MTUS2: variants seen among roughly 807,000 people sequenced by gnomAD.
The protein encoded by MTUS2 is microtubule associated scaffold protein 2.
MTUS2 carries 40 observed loss-of-function variants against 114.1 expected under a neutral mutation model. The observed-to-expected ratio is 0.35, with a 90% CI of 0.27 to 0.46. MTUS2 has a LOEUF of 0.46. Ranked by LOEUF, MTUS2 falls within the 20% of genes least tolerant of loss-of-function variation. MTUS2 has a pLI of 1.00. For synonymous variants in MTUS2, 688 were observed against 672.0 expected, an observed-to-expected ratio of 1.02 and a Z score of -0.37; for missense variants, 1,679 against 1,705.4, an observed-to-expected ratio of 0.98 and a Z score of 0.27.
At chr13:29,383,242 G>GTATATATATATATATATATATA (rs1315060468) in intron 8 of MTUS2, among the ~76,000 whole-genome samples, 4 of 28,620 alleles carry the variant, frequency 1.4e-4, no homozygotes, top group African/African-American at 1.8e-4. Context: ...GTGTGTGTGT[G>GTATATATATATATATATATATA]TGTGTGTGTG....
intron 2 of MTUS2, among the ~76,000 whole-genome samples, chr13:28,971,453 T>C (rs1056456382): frequency 5.3e-5 from 8 of 152,158 alleles, no homozygotes; most frequent in Non-Finnish European, 1.2e-4. Flanking sequence ...GTACCTGTTC[T>C]CTCAAGCTGA....
In MTUS2 at chr13:29,318,173, T is replaced by C. The variant is rs540293320; in HGVS notation, c.2807-6440T>C. Among the ~76,000 whole-genome samples the C allele has an allele frequency of 3.9e-5, 6 of 152,254 alleles. No homozygotes were observed. In the South Asian group the frequency reaches 1.0e-3, roughly 26 times the overall value. On this transcript the variant is annotated intron_variant, in intron 6 of 15. Transcript: ENST00000612955. ...ATTTCTTTATCCTTTCTGTTTCTTA[T>C]CTTTTCTTACTTATATTGAGATTTA...
intron 5 of MTUS2, among the ~76,000 whole-genome samples, chr13:29,262,952 C>T (rs1445790406): frequency 6.6e-6 from 1 of 152,088 alleles, no homozygotes; most frequent in Non-Finnish European, 1.5e-5. Context: ...TGTATTGTGT[C>T]CCAGGCACTT....
chr13:28,940,348 A>G (rs919348237), intron 2 of MTUS2, among the ~76,000 whole-genome samples: 1 of 152,216 alleles, frequency 6.6e-6, no homozygotes, highest in Non-Finnish European at 1.5e-5. Flanking sequence ...ATGCTAAGTG[A>G]AAGAAGCTGG....
intron 8 of MTUS2, among the ~76,000 whole-genome samples, chr13:29,406,704 G>A (rs1874781902): frequency 6.6e-6 from 1 of 152,170 alleles, no homozygotes; most frequent in African/African-American, 2.4e-5. Context: ...CCATCTTCAA[G>A]GCCACCTGCT....
intron 5 of MTUS2, among the ~76,000 whole-genome samples, chr13:29,238,586 A>G (rs763362493): frequency 5.9e-5 from 9 of 152,198 alleles, no homozygotes; most frequent in Non-Finnish European, 1.2e-4. Flanking sequence ...AGGCTGGAAG[A>G]CTGAGCAAGT....
At chr13:29,375,879 A>G (rs1871683077) in intron 8 of MTUS2, among the ~76,000 whole-genome samples, 1 of 151,554 alleles carries the variant, frequency 6.6e-6, no homozygotes, top group African/African-American at 2.4e-5. Context: ...GAAATACTAC[A>G]TATTGGGTAC....
chr13:28,893,683 G>A (rs1879063629), intron 2 of MTUS2, among the ~76,000 whole-genome samples: 2 of 152,108 alleles, frequency 1.3e-5, no homozygotes, highest in Non-Finnish European at 2.9e-5. Context: ...GGAGGAGCTG[G>A]GATTTTAGCA....
At chr13:29,389,445 ATGTATACACGTGTGTGTATGTG>A (rs1873000655) in intron 8 of MTUS2, among the ~76,000 whole-genome samples, 4 of 122,286 alleles carry the variant, frequency 3.3e-5, no homozygotes, top group African/African-American at 8.3e-5. Context: ...GTGTATGTGT[ATGTATACACGTGTGTGTATGTG>A]TATATGTATA....
At chr13:29,224,786 T>TTC (rs1555253799) in intron 5 of MTUS2, among the ~76,000 whole-genome samples, 1 of 151,858 alleles carries the variant, frequency 6.6e-6, no homozygotes, top group Non-Finnish European at 1.5e-5. Context: ...TTTCTCTTTT[T>TTC]CCCACAATAT....
At chr13:29,447,725 G>A (rs1878392674) in intron 9 of MTUS2, among the ~76,000 whole-genome samples, 1 of 151,658 alleles carries the variant, frequency 6.6e-6, no homozygotes, top group Non-Finnish European at 1.5e-5. Flanking sequence ...CCCTGGAAAA[G>A]GCTTCCCCAG....
At chr13:29,232,314 A>ACG (rs1896362312) in intron 5 of MTUS2, among the ~76,000 whole-genome samples, 4 of 150,584 alleles carry the variant, frequency 2.7e-5, no homozygotes, top group African/African-American at 9.7e-5. Flanking sequence ...GCGCACACAC[A>ACG]CACACACACG....
chr13:28,824,648 G>A (rs912882152), intron 1 of MTUS2, among the ~76,000 whole-genome samples: 6 of 150,818 alleles, frequency 4.0e-5, no homozygotes, highest in Admixed American at 1.3e-4. Context: ...TGTCTTTACT[G>A]CCTTTAACCA....
intron 9 of MTUS2, among the ~76,000 whole-genome samples, chr13:29,477,369 A>T (rs573737507): frequency 6.6e-6 from 1 of 151,942 alleles, no homozygotes; most frequent in African/African-American, 2.4e-5. Flanking sequence ...CGCTAGCTCA[A>T]CTCCCTGGTG....
chr13:29,205,314 A>T (rs1168157565), intron 5 of MTUS2, among the ~76,000 whole-genome samples: 1 of 152,226 alleles, frequency 6.6e-6, no homozygotes, highest in Non-Finnish European at 1.5e-5. Context: ...TGTTGATTTT[A>T]TGTGGATTTC....
rs993206973 is a variant in MTUS2, at chr13:29,375,404, C to A, written c.3117+15931C>A. ...ATTACTTACTTTTAATGGCAAAAAC[C>A]GCAATTACTTACTTTTAATGGCAAA... On this transcript the variant is annotated intron_variant, in intron 8 of 15. Coordinates refer to ENST00000612955, the MANE Select transcript of MTUS2 (RefSeq NM_001033602.4). Among the ~76,000 whole-genome samples, 2 of 122,148 alleles carry A rather than the reference C, an allele frequency of 1.6e-5. 1 individual carries two copies. Among genetic ancestry groups the A allele is most frequent in the Non-Finnish European group, 3.5e-5 (2 of 56,820 alleles). The allele number at this position is 122,148 out of a possible 152,430, so 80.1% of individuals were successfully genotyped here.
At chr13:28,942,852 C>A (rs570783196) in intron 2 of MTUS2, among the ~76,000 whole-genome samples, 3 of 152,202 alleles carry the variant, frequency 2.0e-5, no homozygotes, top group South Asian at 4.1e-4. Context: ...TGCCAGGGTG[C>A]TGGTAATGTG....
In MTUS2 at chr13:29,005,647, G is replaced by A. The variant is rs1361024195; in HGVS notation, c.-242-18810G>A. On this transcript the variant is annotated intron_variant, in intron 2 of 15. Coordinates refer to ENST00000612955, the MANE Select transcript of MTUS2 (RefSeq NM_001033602.4). ...AGTGCAGCCGTCGTCTTGGACACAA[G>A]GAAGCAGGGAACTCTGTACTGACTT... is the stretch of plus-strand genomic sequence containing the variant. Among the ~76,000 whole-genome samples, 3 of 152,220 alleles carry A rather than the reference G, an allele frequency of 2.0e-5. No homozygotes were observed. In the East Asian group the frequency reaches 5.8e-4, roughly 29 times the overall value.
At chr13:28,975,410 G>C (rs1391321516) in intron 2 of MTUS2, among the ~76,000 whole-genome samples, 4 of 152,076 alleles carry the variant, frequency 2.6e-5, no homozygotes, top group Non-Finnish European at 2.9e-5. Flanking sequence ...TCCCGGCTCT[G>C]ACTCTCCACA....
Sources: allele counts gnomAD v4.1 joint callset (sites outside exome capture counted in the v4.1 genomes callset), GRCh38; gene constraint gnomAD v4.1.1; transcripts MANE v1.5; gene names NCBI Gene and HGNC (gene_info 2026-07-23, HGNC 2026-07-21).